HAPLN1: variants seen among roughly 807,000 people sequenced by gnomAD.
The protein encoded by HAPLN1 is Cartilage link protein.
A neutral mutation model predicts 36.5 loss-of-function variants in HAPLN1; 13 were observed. The ratio of observed to expected loss-of-function variants is 0.36; its 90% CI spans 0.23 to 0.57. HAPLN1 has a LOEUF of 0.57. HAPLN1 is among the 20% of genes least tolerant of loss of function. The pLI, the probability that HAPLN1 is intolerant of heterozygous loss-of-function variation, is 0.83. For missense variants in HAPLN1, 407 were observed against 439.7 expected, an observed-to-expected ratio of 0.93 and a Z score of 0.66; for synonymous variants, 202 against 169.8, an observed-to-expected ratio of 1.19 and a Z score of -1.48.
intron 2 of HAPLN1, among the ~76,000 whole-genome samples, chr5:83,662,136 C>T (rs1329992060): frequency 1.3e-5 from 2 of 152,094 alleles, no homozygotes; most frequent in Non-Finnish European, 2.9e-5. Flanking sequence ...CTCCTGGCCT[C>T]AGGTGATCTG....
chr5:83,711,811 C>T (rs1403414557), intron 1 of HAPLN1, among the ~76,000 whole-genome samples: 2 of 151,972 alleles, frequency 1.3e-5, no homozygotes, highest in Admixed American at 6.5e-5. Context: ...AGAGATGACA[C>T]GAACTAGGCT....
intron 2 of HAPLN1, among the ~76,000 whole-genome samples, chr5:83,653,701 C>T (rs531150557): frequency 6.6e-6 from 1 of 152,278 alleles, no homozygotes; most frequent in South Asian, 2.1e-4. Context: ...CAAGTCCTTC[C>T]TCCAAGGACT....
intron 2 of HAPLN1, among the ~76,000 whole-genome samples, chr5:83,656,663 C>A (rs1750226935): frequency 6.6e-6 from 1 of 152,072 alleles, no homozygotes; most frequent in African/African-American, 2.4e-5. Context: ...ATAAATTCCC[C>A]ATTTCCATTA....
intron 1 of HAPLN1, among the ~76,000 whole-genome samples, chr5:83,696,973 C>T (rs539946044): frequency 6.6e-6 from 1 of 152,050 alleles, no homozygotes; most frequent in African/African-American, 2.4e-5. Context: ...GTTGTGCAAC[C>T]ATTACCACTA....
intron 2 of HAPLN1, among the ~76,000 whole-genome samples, chr5:83,672,210 AC>A (rs1750745644): frequency 6.6e-6 from 1 of 152,192 alleles, no homozygotes; most frequent in Non-Finnish European, 1.5e-5. Context: ...ACTAGGTATT[AC>A]TATTTTGGCT....
chr5:83,641,535 A>C lies in HAPLN1; in HGVS notation c.1026T>G (p.His342Gln). Reference protein sequence around the residue: ...VRFVGFPDKKHKLYGVYCFRA... With the variant: ...VRFVGFPDKKQKLYGVYCFRA... ...TGAAGCAGTAGACACCATACAGCTTATGCTTTTTATCTGGGAAACCCACGA... is the reference window on the plus strand; with the variant it reads ...TGAAGCAGTAGACACCATACAGCTTCTGCTTTTTATCTGGGAAACCCACGA... Residue 342 changes from histidine (H) to glutamine (Q), a missense_variant, in exon 5 of 5, where the codon CAT becomes CAG. Coordinates refer to ENST00000274341, the MANE Select transcript of HAPLN1 (RefSeq NM_001884.4). 1 of 1,613,920 alleles carries C rather than the reference A, an allele frequency of 6.2e-7. No individual in the cohort carries two copies. The highest frequency in any genetic ancestry group is 8.5e-7 in the Non-Finnish European group (1 of 1,179,830).
intron 2 of HAPLN1, among the ~76,000 whole-genome samples, chr5:83,661,015 G>A (rs764602957): frequency 2.0e-5 from 3 of 152,036 alleles, no homozygotes; most frequent in Admixed American, 6.5e-5. Flanking sequence ...CTTCTTTACC[G>A]TGCTCTTCCA....
At chr5:83,675,519 G>GT (rs1750838216) in intron 1 of HAPLN1, among the ~76,000 whole-genome samples, 1 of 152,102 alleles carries the variant, frequency 6.6e-6, no homozygotes, top group South Asian at 2.1e-4. Flanking sequence ...GGTTAGAGTT[G>GT]TTTATCCTAC....
chr5:83,668,657 A>G (rs1750618899), intron 2 of HAPLN1, among the ~76,000 whole-genome samples: 1 of 152,232 alleles, frequency 6.6e-6, no homozygotes, highest in African/African-American at 2.4e-5. Context: ...GGTAGTGACA[A>G]TTTAGAAGTA....
chr5:83,668,578 A>T (rs976407952), intron 2 of HAPLN1, among the ~76,000 whole-genome samples: 6 of 152,264 alleles, frequency 3.9e-5, no homozygotes, highest in African/African-American at 1.4e-4. Flanking sequence ...AATGTTCATT[A>T]AGTGCACACA....
At position 83,641,686 on chromosome 5, in the gene HAPLN1, A is replaced by G; in HGVS notation, c.875T>C (p.Ile292Thr). 1 of 1,614,186 alleles carries G rather than the reference A, an allele frequency of 6.2e-7. No individual in the cohort carries two copies. The highest frequency in any genetic ancestry group is 8.5e-7 in the Non-Finnish European group (1 of 1,180,044). ...DGAQIAKVGQ[I>T]FAAWKILGYD... is the part of the protein sequence containing the mutation. ...TCCGAGAATTTTCCAGGCAGCAAAT[A>G]TCTGGCCCACTTTTGCAATCTGAGC... Residue 292 changes from isoleucine to threonine, a missense_variant, in exon 5 of 5, where the codon ATA becomes ACA. Coordinates refer to ENST00000274341, the MANE Select transcript of HAPLN1 (RefSeq NM_001884.4).
In HAPLN1 at chr5:83,644,431, C is replaced by G; in HGVS notation, c.707G>C (p.Arg236Thr). ...ATCTTTATCCCAAAATCCGTAGTTCCTGACTCCGGGCACTGTGTTCTGCCC... is the reference window on the plus strand; with the variant it reads ...ATCTTTATCCCAAAATCCGTAGTTCGTGACTCCGGGCACTGTGTTCTGCCC... ...CGGQNTVPGVRNYGFWDKDKS... is the reference protein window; with the variant it reads ...CGGQNTVPGVTNYGFWDKDKS... Residue 236 changes from arginine to threonine, a missense_variant, in exon 4 of 5, where the codon AGG becomes ACG. Physicochemically the swap from Arg to Thr is moderately conservative, Grantham distance 71. Transcript: ENST00000274341. 6.2e-7 allele frequency: 1 copy of G among 1,606,248 alleles called. No homozygotes were observed. Among genetic ancestry groups the G allele is most frequent in the South Asian group, 1.1e-5 (1 of 89,790 alleles).
At chr5:83,665,233 G>A (rs1166436393) in intron 2 of HAPLN1, among the ~76,000 whole-genome samples, 2 of 152,060 alleles carry the variant, frequency 1.3e-5, no homozygotes, top group Non-Finnish European at 2.9e-5. Context: ...TTTTTTGCCA[G>A]CAATATTATT....
At chr5:83,659,711 A>T (rs1750328571) in intron 2 of HAPLN1, among the ~76,000 whole-genome samples, 1 of 152,150 alleles carries the variant, frequency 6.6e-6, no homozygotes, top group Non-Finnish European at 1.5e-5. Flanking sequence ...TTGAAGGATT[A>T]TATTTTCTCA....
intron 2 of HAPLN1, among the ~76,000 whole-genome samples, chr5:83,668,417 A>G (rs1331639781): frequency 1.3e-5 from 2 of 152,204 alleles, no homozygotes; most frequent in Non-Finnish European, 2.9e-5. Context: ...GCCTGGGACA[A>G]GCAATGCAAA....
At position 83,668,017 on chromosome 5, in the gene HAPLN1, C is replaced by T. The variant is rs182509671; in HGVS notation, c.100+5407G>A. Among the ~76,000 whole-genome samples, 35 of 152,176 alleles carry T rather than the reference C, an allele frequency of 2.3e-4. No homozygotes were observed. In the East Asian group the frequency reaches 6.8e-3, roughly 29 times the overall value. ...TCATTCCATGAATTGAAAATATTTC[C>T]CTGGGATTTGGAAAGGCTGAACCAA... On this transcript the variant is annotated intron_variant, in intron 2 of 4. Transcript: ENST00000274341.
At chr5:83,660,890 T>C (rs1191578454) in intron 2 of HAPLN1, among the ~76,000 whole-genome samples, 3 of 152,142 alleles carry the variant, frequency 2.0e-5, no homozygotes, top group Non-Finnish European at 4.4e-5. Flanking sequence ...CATTGAAAAC[T>C]TAGCTTGGTG....
intron 2 of HAPLN1, among the ~76,000 whole-genome samples, chr5:83,659,541 T>A (rs1202164969): frequency 2.0e-5 from 3 of 152,120 alleles, no homozygotes; most frequent in Non-Finnish European, 2.9e-5. Context: ...ATTTAAAAAA[T>A]TTTAAACCAT....
At chr5:83,662,562 A>ATAT (rs1750434261) in intron 2 of HAPLN1, among the ~76,000 whole-genome samples, 1 of 152,248 alleles carries the variant, frequency 6.6e-6, no homozygotes, top group African/African-American at 2.4e-5. Flanking sequence ...AAATAAAATT[A>ATAT]GAATATTTTA....
Sources: gnomAD v4.1 joint callset for allele counts (sites outside exome capture counted in the v4.1 genomes callset) on GRCh38, gnomAD v4.1.1 for gene constraint, MANE v1.5 for transcripts, NCBI Gene and HGNC (gene_info 2026-07-23, HGNC 2026-07-21) for gene names.